The following TANC1 variants were observed in gnomAD, a reference collection of about 807,000 sequenced individuals.
The protein encoded by TANC1 is protein TANC1.
A neutral mutation model predicts 149.7 loss-of-function variants in TANC1; 77 were observed. The observed-to-expected ratio is 0.51, with a 90% CI of 0.43 to 0.62. The LOEUF (loss-of-function observed/expected upper bound fraction) is 0.62. TANC1 is among the 20% of genes least tolerant of loss of function. The pLI is 0.00. For missense variants in TANC1, 1,985 were observed against 2,321.8 expected, an observed-to-expected ratio of 0.85 and a Z score of 2.98; for synonymous variants, 854 against 925.0, an observed-to-expected ratio of 0.92 and a Z score of 1.39.
intron 2 of TANC1, 131 bp from the exon 3 acceptor site, chr2:159,065,765 G>T: frequency 2.6e-5 from 15 of 582,426 alleles, no homozygotes; most frequent in East Asian, 1.2e-4. Context: ...GAAAATTAAT[G>T]TAAGGCTTAG....
At chr2:159,019,587 T>C (rs2038610830) in intron 2 of TANC1, among the ~76,000 whole-genome samples, 1 of 151,150 alleles carries the variant, frequency 6.6e-6, no homozygotes, top group African/African-American at 2.4e-5. Flanking sequence ...AGTTGTCCAC[T>C]TGTTTGGACC....
At chr2:159,023,243 C>T (rs1165109442) in intron 2 of TANC1, among the ~76,000 whole-genome samples, 1 of 152,126 alleles carries the variant, frequency 6.6e-6, no homozygotes, top group African/African-American at 2.4e-5. Context: ...AGGTAGAATT[C>T]TCTCTCATTC....
chr2:159,044,551 A>G (rs2040895785), intron 2 of TANC1, among the ~76,000 whole-genome samples: 1 of 152,070 alleles, frequency 6.6e-6, no homozygotes, highest in Non-Finnish European at 1.5e-5. Context: ...AGTAGGACTC[A>G]GATACTCCCT....
chr2:159,124,799 G>A (rs1457309400), intron 4 of TANC1, among the ~76,000 whole-genome samples: 2 of 151,338 alleles, frequency 1.3e-5, no homozygotes, highest in African/African-American at 4.9e-5. Flanking sequence ...GAGTACAGTA[G>A]CATGAGCATG....
chr2:158,977,898 C>T (rs370578266), intron 1 of TANC1, among the ~76,000 whole-genome samples: 2 of 152,216 alleles, frequency 1.3e-5, no homozygotes, highest in South Asian at 4.1e-4. Context: ...TTTGCCTCTT[C>T]CCTCACCCTA....
chr2:159,223,425 G>T (rs2059825444), intron 22 of TANC1, among the ~76,000 whole-genome samples: 1 of 152,144 alleles, frequency 6.6e-6, no homozygotes, highest in Non-Finnish European at 1.5e-5. Context: ...TTCTAAAGAT[G>T]AGGTTATTTG....
chr2:158,994,074 CA>C (rs2035924621), intron 1 of TANC1, among the ~76,000 whole-genome samples: 1 of 152,082 alleles, frequency 6.6e-6, no homozygotes, highest in Non-Finnish European at 1.5e-5. Flanking sequence ...TTTCACTTTC[CA>C]GGGGGGGATT....
intron 2 of TANC1, among the ~76,000 whole-genome samples, chr2:159,063,363 C>G (rs1292360333): frequency 6.6e-6 from 1 of 152,158 alleles, no homozygotes; most frequent in Non-Finnish European, 1.5e-5. Context: ...TATTTGTGAC[C>G]ATCCCCCTTT....
chr2:159,186,792 C>T (rs2057001489), intron 15 of TANC1, 110 bp from the exon 16 acceptor site: 2 of 1,420,838 alleles, frequency 1.4e-6, no homozygotes, highest in South Asian at 2.6e-5. Flanking sequence ...CTGCAGGTAT[C>T]TGCACCCTCT....
chr2:159,049,793 G>A (rs998481763), intron 2 of TANC1, among the ~76,000 whole-genome samples: 1 of 152,198 alleles, frequency 6.6e-6, no homozygotes, highest in African/African-American at 2.4e-5. Context: ...CCTGGACCCA[G>A]ACTAGTGAGT....
At chr2:159,207,603 G>C (rs1462369341) in intron 19 of TANC1, among the ~76,000 whole-genome samples, 1 of 146,958 alleles carries the variant, frequency 6.8e-6, no homozygotes, top group African/African-American at 2.5e-5. Flanking sequence ...AGGAGGCTGA[G>C]TCAGGGAATT....
At chr2:159,114,113 G>T (rs2150042840) in intron 4 of TANC1, among the ~76,000 whole-genome samples, 1 of 152,268 alleles carries the variant, frequency 6.6e-6, no homozygotes, top group Non-Finnish European at 1.5e-5. Context: ...AAGTGATAAA[G>T]ATCAGTGAGA....
chr2:159,159,713 TGTGTGAGAGAGAGAGAGAGA>T (rs1221380500), intron 7 of TANC1, among the ~76,000 whole-genome samples: 1 of 65,600 alleles, frequency 1.5e-5, no homozygotes, highest in Admixed American at 1.5e-4. Flanking sequence ...TGTGTGTGTG[TGTGTGAGAGAGAGAGAGAGA>T]GAGAGAGAGA....
intron 4 of TANC1, among the ~76,000 whole-genome samples, chr2:159,110,378 C>A (rs549680000): frequency 5.3e-5 from 8 of 152,362 alleles, no homozygotes; most frequent in African/African-American, 1.4e-4. Context: ...TAGGCACTGT[C>A]CTCAGACACT....
chr2:158,987,192 TG>T (rs2035098219), intron 1 of TANC1, among the ~76,000 whole-genome samples: 1 of 116,980 alleles, frequency 8.5e-6, no homozygotes, highest in African/African-American at 3.3e-5. Flanking sequence ...CCAGCCTGGG[TG>T]ACAGAGCAAG....
intron 1 of TANC1, among the ~76,000 whole-genome samples, chr2:158,969,756 G>A (rs2032561835): frequency 6.6e-6 from 1 of 152,252 alleles, no homozygotes; most frequent in African/African-American, 2.4e-5. Context: ...AGGAAATGTG[G>A]CGTTGGCCAG....
chr2:159,116,429 A>AC (rs2048249985), intron 4 of TANC1, among the ~76,000 whole-genome samples: 1 of 123,114 alleles, frequency 8.1e-6, no homozygotes, highest in Non-Finnish European at 1.9e-5. Flanking sequence ...TCAGTCTCAA[A>AC]AAACAACAAC....
At chr2:159,219,584 TTGAC>T (rs1222232458) in intron 21 of TANC1, 104 bp from the exon 22 acceptor site, 1 of 1,429,312 alleles carries the variant, frequency 7.0e-7, no homozygotes, top group African/African-American at 1.4e-5. Flanking sequence ...TTCACAGTGC[TTGAC>T]TGACACTTGG....
chr2:159,117,992 AGTTTTTCTCTACTGGT>A (rs1317355246), intron 4 of TANC1, among the ~76,000 whole-genome samples: 17 of 144,242 alleles, frequency 1.2e-4, no homozygotes, highest in East Asian at 7.9e-4. Flanking sequence ...TCTGTACTGG[AGTTTTTCTCTACTGGT>A]GTTTTTCTCT....
Sources: allele counts gnomAD v4.1 joint callset (sites outside exome capture counted in the v4.1 genomes callset), GRCh38; gene constraint gnomAD v4.1.1; transcripts MANE v1.5; gene names NCBI Gene and HGNC (gene_info 2026-07-23, HGNC 2026-07-21).